Variants in CLNS1A observed in about 807,000 individuals in gnomAD.
The protein encoded by CLNS1A is chloride nucleotide-sensitive channel 1A.
A neutral mutation model predicts 29.4 loss-of-function variants in CLNS1A; 16 were observed. The observed-to-expected ratio is 0.54, with a 90% CI of 0.37 to 0.83. The LOEUF is 0.83. Ranked by LOEUF, CLNS1A falls within the 40% of genes least tolerant of loss-of-function variation. The pLI is 0.00. For missense variants in CLNS1A, 235 were observed against 287.4 expected, an observed-to-expected ratio of 0.82 and a Z score of 1.32; for synonymous variants, 96 against 104.8, an observed-to-expected ratio of 0.92 and a Z score of 0.51.
At chr11:77,637,008 CCTGT>C (rs894312493) in intron 1 of CLNS1A, among the ~76,000 whole-genome samples, 1 of 151,996 alleles carries the variant, frequency 6.6e-6, no homozygotes, top group Non-Finnish European at 1.5e-5. Context: ...GCATATGACC[CCTGT>C]CTGTGTCGAG....
At chr11:77,623,112 C>T (rs1019445834) in intron 4 of CLNS1A, among the ~76,000 whole-genome samples, 1 of 151,806 alleles carries the variant, frequency 6.6e-6, no homozygotes, top group Non-Finnish European at 1.5e-5. Flanking sequence ...AAAGAGATAA[C>T]AAGCCAGTAA....
rs199848841 is a variant in CLNS1A, at chr11:77,637,722, G to A, written c.-8C>T. The A allele has an allele frequency of 7.4e-4, 1,153 of 1,554,242 alleles. No homozygotes were observed. Among genetic ancestry groups the A allele is most frequent in the Admixed American group, 1.1e-3 (57 of 51,238 alleles). ...ACTTTTGAGGAAGCTCATAGCAGCA[G>A]AGTGCGGCAACACAGGCCCTGAGGG... On this transcript the variant is annotated 5_prime_UTR_variant, in exon 1 of 7. Transcript: ENST00000525428.
Position 77,615,093 on chromosome 11 carries a change from T to G in CLNS1A, c.*1625A>C, listed in dbSNP as rs1418329537. 1 of 152,256 alleles carries G rather than the reference T, an allele frequency of 6.6e-6. No homozygotes were observed. Among genetic ancestry groups the G allele is most frequent in the East Asian group, 1.9e-4 (1 of 5,204 alleles). 9.4% of individuals were successfully genotyped at this position (152,256 alleles called of 1,614,324 possible). On this transcript the variant is annotated 3_prime_UTR_variant, in exon 7 of 7. Transcript: ENST00000525428. ...CAAGAAACCAAGTACACTCTGAATC[T>G]TCTCGACATTTTGCTATCAGAGCAA...
At chr11:77,622,711 A>G in intron 4 of CLNS1A, 38 bp from the exon 5 acceptor site, 1 of 1,467,934 alleles carries the variant, frequency 6.8e-7, no homozygotes. Flanking sequence ...AAATACAACA[A>G]TTAGAAAAAA....
At chr11:77,633,227 T>C (rs1393947326) in intron 1 of CLNS1A, among the ~76,000 whole-genome samples, 2 of 152,194 alleles carry the variant, frequency 1.3e-5, no homozygotes, top group African/African-American at 2.4e-5. Flanking sequence ...TTTCTAATTC[T>C]AGCAGAGGCC....
intron 4 of CLNS1A, among the ~76,000 whole-genome samples, chr11:77,623,887 C>T (rs772619264): frequency 3.9e-5 from 6 of 152,104 alleles, no homozygotes; most frequent in Non-Finnish European, 8.8e-5. Flanking sequence ...GGGAGGCAAT[C>T]GGAAAGGGCT....
chr11:77,629,084 C>A (rs1959048960), intron 2 of CLNS1A, among the ~76,000 whole-genome samples: 1 of 151,836 alleles, frequency 6.6e-6, no homozygotes, highest in Non-Finnish European at 1.5e-5. Context: ...ACTACTGAAA[C>A]AAAACAAAAC....
intron 6 of CLNS1A, among the ~76,000 whole-genome samples, chr11:77,618,985 A>T (rs1958930903): frequency 6.6e-6 from 1 of 152,210 alleles, no homozygotes; most frequent in South Asian, 2.1e-4. Flanking sequence ...GTATTCAAGA[A>T]AACAATGCTA....
At chr11:77,634,259 A>C (rs1444884458) in intron 1 of CLNS1A, among the ~76,000 whole-genome samples, 2 of 152,208 alleles carry the variant, frequency 1.3e-5, no homozygotes, top group Admixed American at 6.5e-5. Context: ...GTTTCACCAA[A>C]GCCTAAAGGC....
intron 6 of CLNS1A, chr11:77,619,396 TA>T (rs111290291): frequency 0.15 from 74,566 of 496,710 alleles, 7,506 homozygotes; most frequent in African/African-American, 0.36. Context: ...CTGGGTGTGG[TA>T]AGCATGTGCC....
chr11:77,631,378 G>A (rs1362428614), intron 1 of CLNS1A, among the ~76,000 whole-genome samples: 9 of 150,504 alleles, frequency 6.0e-5, no homozygotes, highest in Non-Finnish European at 1.3e-4. Context: ...CTGGAGTGCA[G>A]TGGCGGATCT....
intron 5 of CLNS1A, chr11:77,622,028 GGT>G (rs1191985294): frequency 4.4e-6 from 2 of 456,192 alleles, no homozygotes; most frequent in East Asian, 1.4e-4. Flanking sequence ...CTCTTGCTTT[GGT>G]GGGTGTGTGT....
intron 1 of CLNS1A, among the ~76,000 whole-genome samples, chr11:77,634,817 C>CA (rs1164272105): frequency 6.6e-6 from 1 of 151,078 alleles, no homozygotes; most frequent in Non-Finnish European, 1.5e-5. Context: ...TTTTCAGAGA[C>CA]AAGGTTTCAC....
At chr11:77,619,562 A>G in intron 6 of CLNS1A, 44 bp downstream of exon 6, 2 of 1,211,528 alleles carry the variant, frequency 1.7e-6, no homozygotes, top group South Asian at 2.4e-5. Flanking sequence ...ATCATTTCAT[A>G]TGATTTTCAT....
chr11:77,634,145 G>A (rs1328409680), intron 1 of CLNS1A, among the ~76,000 whole-genome samples: 2 of 151,652 alleles, frequency 1.3e-5, no homozygotes, highest in African/African-American at 4.8e-5. Flanking sequence ...ACTAAGCTCT[G>A]AAATAAGCCG....
chr11:77,634,837 C>G (rs545045751), intron 1 of CLNS1A, among the ~76,000 whole-genome samples: 1 of 152,078 alleles, frequency 6.6e-6, no homozygotes, highest in African/African-American at 2.4e-5. Flanking sequence ...CTCTGTCACC[C>G]AGGCTGGAAT....
Position 77,619,709 on chromosome 11 carries a change from T to A in CLNS1A, c.647-14A>T. 6.3e-7 allele frequency: 1 copy of A among 1,595,046 alleles called. No individual in the cohort carries two copies. The highest frequency in any genetic ancestry group is 8.6e-7 in the Non-Finnish European group (1 of 1,162,756). ...CCTCCATCCCATCTAAACAAAAAAA[T>A]TAATTACTGAGCAATCCCTATGAAC... is the stretch of plus-strand genomic sequence containing the variant. On this transcript the variant is annotated splice_polypyrimidine_tract_variant and intron_variant, in intron 5 of 6. Transcript: ENST00000525428.
chr11:77,626,106 T>C (rs1229441255), intron 2 of CLNS1A, among the ~76,000 whole-genome samples: 1 of 152,126 alleles, frequency 6.6e-6, no homozygotes, highest in Non-Finnish European at 1.5e-5. Flanking sequence ...TCATCAACAA[T>C]GAGCTAAGGG....
In CLNS1A at chr11:77,637,256, A is replaced by AAAAAAAAAG. The variant is rs1235000324; in HGVS notation, c.125+333_125+334insCTTTTTTTT. Among the ~76,000 whole-genome samples the AAAAAAAAAG allele has an allele frequency of 1.2e-3, 177 of 144,464 alleles. 3 individuals are homozygous for AAAAAAAAAG. The highest frequency in any genetic ancestry group is 4.2e-3 in the African/African-American group (159 of 37,958). 94.8% of individuals were successfully genotyped at this position (144,464 alleles called of 152,430 possible). Reference sequence around the variant, plus strand: ...AAATAGGCGAGTTAAAAAAAAAAAAAAAAGAAAATAAAAGAAAGAAAGAAA... The same window carrying AAAAAAAAAG: ...AAATAGGCGAGTTAAAAAAAAAAAAAAAAAAAAAGAAAGAAAATAAAAGAAAGAAAGAAA... On this transcript the variant is annotated intron_variant, in intron 1 of 6. Transcript: ENST00000525428.
Sources: allele counts gnomAD v4.1 joint callset (sites outside exome capture counted in the v4.1 genomes callset), GRCh38; gene constraint gnomAD v4.1.1; transcripts MANE v1.5; gene names NCBI Gene and HGNC (gene_info 2026-07-23, HGNC 2026-07-21).